The following RALYL variants were observed in gnomAD, a reference collection of about 807,000 sequenced individuals.
RALYL encodes RALY RNA binding protein like.
Under a neutral mutation model 35.1 loss-of-function variants are expected in RALYL, and 29 were observed. That is an observed-to-expected ratio of 0.83 (90% confidence interval 0.61 to 1.13). The LOEUF (loss-of-function observed/expected upper bound fraction) is 1.13, where lower values mean the gene tolerates loss of function less well. RALYL is among the 50% of genes most tolerant of loss of function. RALYL has a pLI of 0.00. For synonymous variants in RALYL, 120 were observed against 127.6 expected (o/e 0.94, Z 0.40); for missense variants, 359 against 360.4 (o/e 1.00, Z 0.03).
chr8:84,336,486 A>G (rs1001048922), intron 1 of RALYL, among the ~76,000 whole-genome samples: 2 of 152,062 alleles, frequency 1.3e-5, no homozygotes, highest in East Asian at 1.9e-4. Flanking sequence ...AGCTATTAAC[A>G]CTTTCTTTTG....
At chr8:84,717,996 A>G (rs772529992) in intron 2 of RALYL, among the ~76,000 whole-genome samples, 1 of 152,148 alleles carries the variant, frequency 6.6e-6, no homozygotes, top group African/African-American at 2.4e-5. Context: ...TTTAGTCATT[A>G]TTGAGTTTTT....
chr8:84,232,632 A>G (rs1825623683), intron 1 of RALYL, among the ~76,000 whole-genome samples: 2 of 152,160 alleles, frequency 1.3e-5, no homozygotes, highest in Admixed American at 1.3e-4. Context: ...GGTAATGCCT[A>G]TGACTGTAAT....
At chr8:84,515,141 C>A (rs544801426) in intron 1 of RALYL, among the ~76,000 whole-genome samples, 6 of 152,218 alleles carry the variant, frequency 3.9e-5, no homozygotes, top group Admixed American at 3.9e-4. Flanking sequence ...ATGTTTACGA[C>A]CCTAAGCAAT....
chr8:84,489,041 G>A (rs1365631479), intron 1 of RALYL, among the ~76,000 whole-genome samples: 1 of 151,936 alleles, frequency 6.6e-6, no homozygotes, highest in Non-Finnish European at 1.5e-5. Context: ...ATATCCACGT[G>A]TATTCACTAT....
At chr8:84,539,951 T>C (rs2059911629) in intron 2 of RALYL, among the ~76,000 whole-genome samples, 1 of 148,586 alleles carries the variant, frequency 6.7e-6, no homozygotes, top group Admixed American at 6.7e-5. Flanking sequence ...CACATTTTAA[T>C]TTACATGTAA....
At chr8:84,695,378 C>A (rs1267037033) in intron 2 of RALYL, among the ~76,000 whole-genome samples, 2 of 151,744 alleles carry the variant, frequency 1.3e-5, no homozygotes, top group East Asian at 1.9e-4. Context: ...GGAATTAATT[C>A]TTGTCATATA....
At chr8:84,473,070 A>G (rs1179095925) in intron 1 of RALYL, among the ~76,000 whole-genome samples, 1 of 152,092 alleles carries the variant, frequency 6.6e-6, no homozygotes, top group African/African-American at 2.4e-5. Flanking sequence ...TTTTGTGCAT[A>G]TCTGTTGGGG....
chr8:84,620,848 C>T (rs557589250), intron 2 of RALYL, among the ~76,000 whole-genome samples: 76 of 152,256 alleles, frequency 5.0e-4, no homozygotes, highest in Middle Eastern at 3.4e-3. Flanking sequence ...CTGGAGTACC[C>T]TGCCGTGTGA....
chr8:84,732,440 A>C (rs906755190), intron 2 of RALYL, among the ~76,000 whole-genome samples: 1 of 152,016 alleles, frequency 6.6e-6, no homozygotes, highest in Admixed American at 6.6e-5. Context: ...AAGATTATTC[A>C]TCTAAAGTTT....
At chr8:84,739,007 C>T (rs1035245658) in intron 2 of RALYL, among the ~76,000 whole-genome samples, 15 of 151,944 alleles carry the variant, frequency 9.9e-5, no homozygotes, top group Middle Eastern at 6.8e-3. Flanking sequence ...TGTGAATACA[C>T]GTCATGAAGA....
intron 2 of RALYL, among the ~76,000 whole-genome samples, chr8:84,542,876 A>G (rs1588088716): frequency 6.6e-6 from 1 of 152,308 alleles, no homozygotes; most frequent in Non-Finnish European, 1.5e-5. Flanking sequence ...ATTGAAATTC[A>G]TAAAAGATAC....
At chr8:84,424,118 TCTC>T (rs1338672661) in intron 1 of RALYL, among the ~76,000 whole-genome samples, 2 of 151,842 alleles carry the variant, frequency 1.3e-5, no homozygotes, top group East Asian at 3.9e-4. Flanking sequence ...TTGGGGAAGT[TCTC>T]CTGGATAATA....
chr8:84,456,291 C>A (rs1178716803), intron 1 of RALYL, among the ~76,000 whole-genome samples: 1 of 151,952 alleles, frequency 6.6e-6, no homozygotes, highest in Non-Finnish European at 1.5e-5. Flanking sequence ...CTAAGCACTG[C>A]ACATTAATTA....
At chr8:84,623,452 A>T (rs1423556268) in intron 2 of RALYL, among the ~76,000 whole-genome samples, 1 of 150,864 alleles carries the variant, frequency 6.6e-6, no homozygotes, top group Admixed American at 6.6e-5. Context: ...GGTCCAAAAA[A>T]TATTTTACCC....
intron 2 of RALYL, among the ~76,000 whole-genome samples, chr8:84,717,744 C>A (rs1388767007): frequency 1.3e-5 from 2 of 152,110 alleles, no homozygotes; most frequent in Non-Finnish European, 2.9e-5. Context: ...AATATTATTT[C>A]ATTATTCTTT....
intron 5 of RALYL, among the ~76,000 whole-genome samples, chr8:84,853,888 A>G (rs1440718538): frequency 1.3e-5 from 2 of 152,162 alleles, no homozygotes; most frequent in African/African-American, 4.8e-5. Context: ...AAGTTAGTTA[A>G]TATCACAAAA....
intron 3 of RALYL, among the ~76,000 whole-genome samples, chr8:84,778,880 T>C (rs1427821143): frequency 6.6e-6 from 1 of 151,878 alleles, no homozygotes; most frequent in Non-Finnish European, 1.5e-5. Context: ...ATAGAAGAAA[T>C]AGGAAACACA....
At chr8:84,654,310 T>TATAC (rs1554766146) in intron 2 of RALYL, among the ~76,000 whole-genome samples, 81 of 134,718 alleles carry the variant, frequency 6.0e-4, no homozygotes, top group African/African-American at 1.3e-3. Flanking sequence ...TATATATATA[T>TATAC]ATATCATGTA....
chr8:84,787,474 G>T (rs1213481992), intron 3 of RALYL, among the ~76,000 whole-genome samples: 1 of 152,146 alleles, frequency 6.6e-6, no homozygotes. Context: ...CAGTGCTGCA[G>T]TAAACATACA....
Sources: gnomAD v4.1 joint callset for allele counts (sites outside exome capture counted in the v4.1 genomes callset) on GRCh38, gnomAD v4.1.1 for gene constraint, MANE v1.5 for transcripts, NCBI Gene and HGNC (gene_info 2026-07-23, HGNC 2026-07-21) for gene names.